Variants in FSHR observed in about 807,000 individuals in gnomAD.
The protein encoded by FSHR is follicle stimulating hormone receptor.
Under a neutral mutation model 52.1 loss-of-function variants are expected in FSHR, and 46 were observed. That is an observed-to-expected ratio of 0.88 (90% CI 0.70 to 1.13). The LOEUF is 1.13. FSHR is among the 50% of genes most tolerant of loss of function. The pLI, the probability that FSHR is intolerant of heterozygous loss-of-function variation, is 0.00. For synonymous variants in FSHR, 399 were observed against 309.6 expected, an observed-to-expected ratio of 1.29 and a Z score of -3.03; for missense variants, 964 against 834.6, an observed-to-expected ratio of 1.16 and a Z score of -1.91.
intron 1 of FSHR, among the ~76,000 whole-genome samples, chr2:49,087,081 T>TTTGTTTTG (rs1553342908): frequency 2.1e-5 from 3 of 145,218 alleles, no homozygotes; most frequent in African/African-American, 7.6e-5. Context: ...TTTTTTTTTT[T>TTTGTTTTG]TTTTTTTTTT....
At chr2:49,097,520 G>C (rs1044061797) in intron 1 of FSHR, among the ~76,000 whole-genome samples, 4 of 152,176 alleles carry the variant, frequency 2.6e-5, no homozygotes, top group African/African-American at 7.2e-5. Flanking sequence ...ATTTATCTTG[G>C]ATGAACTACT....
At chr2:49,135,396 C>T (rs932259839) in intron 1 of FSHR, among the ~76,000 whole-genome samples, 1 of 151,700 alleles carries the variant, frequency 6.6e-6, no homozygotes, top group African/African-American at 2.4e-5. Context: ...AAAAGGAAAA[C>T]AGAAAACACT....
intron 1 of FSHR, among the ~76,000 whole-genome samples, chr2:49,130,599 G>A (rs1366163259): frequency 2.0e-5 from 3 of 152,166 alleles, no homozygotes; most frequent in Non-Finnish European, 2.9e-5. Context: ...TTTAAGACAT[G>A]CATAACAGTT....
In FSHR at chr2:48,999,346, T is replaced by C. The variant is rs117235154; in HGVS notation, c.375-8709A>G. On this transcript the variant is annotated intron_variant, in intron 4 of 9. Coordinates refer to ENST00000406846, the MANE Select transcript of FSHR (RefSeq NM_000145.4). ...GGATGCTCAGCTGAGAGAAGTCCAGTAGCTTTCTCAAAGCCACATAAGGAG... is the reference window on the plus strand; with the variant it reads ...GGATGCTCAGCTGAGAGAAGTCCAGCAGCTTTCTCAAAGCCACATAAGGAG... Among the ~76,000 whole-genome samples the C allele has an allele frequency of 9.6e-4, 146 of 152,216 alleles. 4 individuals carry two copies. The East Asian group carries it at 0.025, about 26-fold the overall frequency.
At chr2:49,086,139 A>G (rs926500762) in intron 1 of FSHR, among the ~76,000 whole-genome samples, 1 of 152,210 alleles carries the variant, frequency 6.6e-6, no homozygotes, top group Non-Finnish European at 1.5e-5. Context: ...AGGTTTTCTT[A>G]GGATATGGGA....
chr2:49,109,205 G>A (rs759825997), intron 1 of FSHR, among the ~76,000 whole-genome samples: 5 of 152,140 alleles, frequency 3.3e-5, no homozygotes, highest in South Asian at 2.1e-4. Flanking sequence ...TAGGCCAAGG[G>A]CAAAGTTAAG....
Position 49,068,144 on chromosome 2 carries a change from C to A in FSHR, c.224+75G>T. On this transcript the variant is annotated intron_variant, in intron 2 of 9. Coordinates refer to ENST00000406846, the MANE Select transcript of FSHR (RefSeq NM_000145.4). ...AGTTCGGCTACTAAGTGCAGATAGT[C>A]ATACTAGATGTGGTCTGAGGTTGCT... The A allele has an allele frequency of 3.6e-6, 4 of 1,100,318 alleles. No individual in the cohort carries two copies. In the South Asian group the frequency reaches 3.7e-5, roughly 10 times the overall value. 68.2% of individuals were successfully genotyped at this position (1,100,318 alleles called of 1,614,324 possible). A position where few individuals can be genotyped will look rare whatever the true frequency, so the allele number is the denominator to read the frequency against.
intron 1 of FSHR, among the ~76,000 whole-genome samples, chr2:49,147,862 G>GTA (rs1385209931): frequency 3.9e-5 from 6 of 151,988 alleles, no homozygotes; most frequent in African/African-American, 1.2e-4. Flanking sequence ...AAAGGATTAT[G>GTA]TATATATTAG....
At chr2:49,092,769 G>C (rs1051534380) in intron 1 of FSHR, among the ~76,000 whole-genome samples, 1 of 152,124 alleles carries the variant, frequency 6.6e-6, no homozygotes, top group African/African-American at 2.4e-5. Context: ...GGGTTCAAGT[G>C]ATTCTCCTGC....
chr2:49,144,995 C>G (rs1158543058), intron 1 of FSHR, among the ~76,000 whole-genome samples: 1 of 152,072 alleles, frequency 6.6e-6, no homozygotes, highest in Non-Finnish European at 1.5e-5. Flanking sequence ...TTTTGGAGGG[C>G]TATGGCCTTT....
intron 2 of FSHR, among the ~76,000 whole-genome samples, chr2:49,056,414 G>A (rs1669063423): frequency 6.9e-6 from 1 of 144,532 alleles, no homozygotes; most frequent in African/African-American, 2.6e-5. Context: ...ATAATAAAGG[G>A]ATCAATTCAG....
At chr2:49,088,660 A>G (rs1021380489) in intron 1 of FSHR, among the ~76,000 whole-genome samples, 2 of 152,180 alleles carry the variant, frequency 1.3e-5, no homozygotes, top group Non-Finnish European at 2.9e-5. Flanking sequence ...TTTATTGACA[A>G]TATTTAGCTC....
At position 48,963,842 on chromosome 2, in the gene FSHR, C is replaced by G. The variant is rs749610580; in HGVS notation, c.979G>C (p.Asp327His). 6.2e-7 allele frequency: 1 copy of G among 1,614,140 alleles called. No homozygotes were observed. Among genetic ancestry groups the G allele is most frequent in the South Asian group, 1.1e-5 (1 of 91,080 alleles). Residue 327 changes from aspartate (D) to histidine (H), a missense_variant, in exon 10 of 10, where the codon GAC (aspartate) becomes CAC (histidine). Transcript: ENST00000406846. ...TAGTCAAACTCAGTGTACGTCATGT[C>G]AAATCCTCTGCTGTAGCTGGACTCA... ...DNESSYSRGF[D>H]MTYTEFDYDL... is the part of the protein sequence containing the mutation.
chr2:49,143,024 T>C (rs1309854971), intron 1 of FSHR, among the ~76,000 whole-genome samples: 1 of 152,190 alleles, frequency 6.6e-6, no homozygotes, highest in East Asian at 1.9e-4. Flanking sequence ...ATATTATATG[T>C]CTTGGGCTCC....
At chr2:49,039,325 A>G (rs1445214984) in intron 2 of FSHR, among the ~76,000 whole-genome samples, 1 of 152,094 alleles carries the variant, frequency 6.6e-6, no homozygotes, top group Admixed American at 6.5e-5. Flanking sequence ...TGTCTCTTAC[A>G]TTGATTTCTC....
chr2:49,060,185 A>G (rs1669233754), intron 2 of FSHR, among the ~76,000 whole-genome samples: 2 of 152,128 alleles, frequency 1.3e-5, no homozygotes, highest in African/African-American at 4.8e-5. Flanking sequence ...TTATTAAACG[A>G]AAAAAATACC....
At chr2:49,152,592 AAGG>A (rs998513713) in intron 1 of FSHR, among the ~76,000 whole-genome samples, 2 of 152,026 alleles carry the variant, frequency 1.3e-5, no homozygotes, top group African/African-American at 2.4e-5. Context: ...CTCTTCTGAT[AAGG>A]AGATTTCAGA....
chr2:49,080,565 T>C (rs1235235466), intron 1 of FSHR, among the ~76,000 whole-genome samples: 2 of 152,188 alleles, frequency 1.3e-5, no homozygotes, highest in African/African-American at 4.8e-5. Context: ...CAAAGTATAA[T>C]GTTGAGAGCA....
intron 2 of FSHR, among the ~76,000 whole-genome samples, chr2:49,064,000 A>G (rs999525824): frequency 2.6e-5 from 4 of 152,074 alleles, no homozygotes; most frequent in African/African-American, 4.8e-5. Context: ...TGTCAATTAA[A>G]AAATAATAAA....
Sources: gnomAD v4.1 joint callset for allele counts (sites outside exome capture counted in the v4.1 genomes callset) on GRCh38, gnomAD v4.1.1 for gene constraint, MANE v1.5 for transcripts, NCBI Gene and HGNC (gene_info 2026-07-23, HGNC 2026-07-21) for gene names.